Variants in SREBF2 observed in about 807,000 individuals in gnomAD.
SREBF2 encodes the protein sterol regulatory element-binding protein 2.
In SREBF2, 55 loss-of-function variants were observed where a neutral mutation model predicts 113.1. The ratio of observed to expected loss-of-function variants is 0.49; its 90% CI spans 0.39 to 0.61. The LOEUF is 0.61. SREBF2 is among the 20% of genes least tolerant of loss of function. The probability of loss-of-function intolerance (pLI) is 0.00; values close to 1 mark genes in which losing one functional copy is unlikely to be tolerated. For synonymous variants in SREBF2, 593 were observed against 605.7 expected (o/e 0.98, Z 0.31); for missense variants, 1,349 against 1,487.4 (o/e 0.91, Z 1.53).
intron 14 of SREBF2, 102 bp from the exon 15 acceptor site, chr22:41,898,547 A>G: frequency 5.3e-6 from 8 of 1,521,848 alleles, no homozygotes; most frequent in Non-Finnish European, 7.2e-6. Context: ...CCAGCAGGCA[A>G]AGATGTTACC....
rs747641591 is a variant in SREBF2 at position 41,873,847 on chromosome 22, T to C, written c.917T>C (p.Met306Thr). The change falls in exon 5 of 19, where the codon ATG becomes ACG. Residue 306 changes from methionine (M) to threonine (T), a missense_variant. Around this residue, in one of 2 missense-constraint regions of SREBF2, gnomAD observed 699 missense variants for 843.3 expected, o/e 0.83. Transcript: ENST00000361204. ...GTILTTMPVM[M>T]GQEKVPIKQV... is the part of the protein sequence containing the mutation. ...ATTCTGACCACAATGCCTGTAATGA[T>C]GGGGCAAGAGAAAGTGCCCATTAAG... 2.7e-5 allele frequency: 43 copies of C among 1,613,026 alleles called. No individual in the cohort carries two copies. Among genetic ancestry groups the C allele is most frequent in the Admixed American group, 1.5e-4 (9 of 59,806 alleles).
intron 1 of SREBF2, among the ~76,000 whole-genome samples, chr22:41,852,642 T>G (rs2076942059): frequency 1.3e-5 from 2 of 151,688 alleles, no homozygotes; most frequent in African/African-American, 2.4e-5. Context: ...ATTTAACCAG[T>G]TTTCAGAAAA....
At position 41,835,273 on chromosome 22, in the gene SREBF2, C is replaced by T. The variant is rs1239257159; in HGVS notation, c.88+1915C>T. On this transcript the variant is annotated intron_variant, in intron 1 of 18. Transcript: ENST00000361204. ...TCAAATGATCCTCCTGCCTTGGCCT[C>T]CCAAAGTGCTAGGATTACAGGTGTG... Among the ~76,000 whole-genome samples the T allele has an allele frequency of 3.3e-5, 5 of 151,750 alleles. No homozygotes were observed. In the East Asian group the frequency reaches 5.8e-4, roughly 18 times the overall value.
At chr22:41,859,442 T>C (rs949663622) in intron 1 of SREBF2, among the ~76,000 whole-genome samples, 2 of 152,248 alleles carry the variant, frequency 1.3e-5, no homozygotes, top group Non-Finnish European at 2.9e-5. Flanking sequence ...TGTGCATTCC[T>C]GCATGGCTCA....
Position 41,894,811 on chromosome 22 carries a change from C to CT in SREBF2, c.2378-5dup, listed in dbSNP as rs1426541506. Reference sequence around the variant, plus strand: ...TCCATTTAACCCCCCTTGCCTGTCTCTTTTCCAGCTGACCCCATTGCGCAG... The same window carrying CT: ...TCCATTTAACCCCCCTTGCCTGTCTCTTTTTCCAGCTGACCCCATTGCGCAG... On this transcript the variant is annotated splice_polypyrimidine_tract_variant and intron_variant, in intron 12 of 18. Coordinates refer to ENST00000361204, the MANE Select transcript of SREBF2 (RefSeq NM_004599.4). 1.2e-6 allele frequency: 2 copies of CT among 1,613,756 alleles called. No homozygotes were observed. The highest frequency in any genetic ancestry group is 1.3e-5 in the African/African-American group (1 of 75,062).
intron 5 of SREBF2, among the ~76,000 whole-genome samples, chr22:41,874,901 CT>C (rs973758180): frequency 2.6e-5 from 4 of 151,416 alleles, no homozygotes; most frequent in African/African-American, 9.7e-5. Context: ...GAGTGAAACT[CT>C]GTCTTGGAAA....
rs563227134 is a variant in SREBF2 at position 41,893,872 on chromosome 22, G to A, written c.2377+587G>A. Among the ~76,000 whole-genome samples, 3 of 152,312 alleles carry A rather than the reference G, an allele frequency of 2.0e-5. No individual in the cohort carries two copies. The South Asian group carries it at 6.2e-4, about 32-fold the overall frequency. On this transcript the variant is annotated intron_variant, in intron 12 of 18. Transcript: ENST00000361204. ...GCTGGTCAGGATTGACTTAGACCTT[G>A]AGTGCTCAGTGGCTGTCTGCTTTCT...
intron 4 of SREBF2, among the ~76,000 whole-genome samples, chr22:41,872,935 C>A (rs1399637113): frequency 6.6e-6 from 1 of 151,920 alleles, no homozygotes. Context: ...TGGTGGCTCA[C>A]GCCTGTAATC....
chr22:41,839,691 T>A (rs559888839), intron 1 of SREBF2, among the ~76,000 whole-genome samples: 2 of 152,320 alleles, frequency 1.3e-5, no homozygotes, highest in Admixed American at 1.3e-4. Context: ...ACAGGTAGCA[T>A]AATATTGCTT....
Position 41,864,223 on chromosome 22 carries a change from CATATATATATATATATATATAT to C in SREBF2, c.89-2590_89-2569del, listed in dbSNP as rs756489276. On this transcript the variant is annotated intron_variant, in intron 1 of 18. Transcript: ENST00000361204. ...TTTATTTTTCCTATCCTTCTGCAAG[CATATATATATATATATATATAT>C]ATATATATATATATATACACACACA... Among the ~76,000 whole-genome samples, 6 of 46,332 alleles carry C rather than the reference CATATATATATATATATATATAT, an allele frequency of 1.3e-4. 1 individual carries two copies. The highest frequency in any genetic ancestry group is 9.6e-4 in the South Asian group (1 of 1,042). 30.4% of individuals were successfully genotyped at this position (46,332 alleles called of 152,430 possible).
chr22:41,844,537 C>T (rs563346891), intron 1 of SREBF2, among the ~76,000 whole-genome samples: 326 of 152,192 alleles, frequency 2.1e-3, no homozygotes, highest in Middle Eastern at 3.4e-3. Flanking sequence ...GGTAAGGCTC[C>T]CTGGGGAACT....
chr22:41,836,704 G>T (rs1289004780), intron 1 of SREBF2, among the ~76,000 whole-genome samples: 4 of 152,212 alleles, frequency 2.6e-5, no homozygotes, highest in African/African-American at 9.7e-5. Flanking sequence ...GATACTAATT[G>T]TCTTGGACAT....
intron 9 of SREBF2, among the ~76,000 whole-genome samples, chr22:41,880,230 C>T (rs1370556149): frequency 6.6e-6 from 1 of 152,112 alleles, no homozygotes; most frequent in African/African-American, 2.4e-5. Context: ...TGCAGTTCAT[C>T]TAAATCTGTG....
intron 10 of SREBF2, among the ~76,000 whole-genome samples, chr22:41,882,993 G>A (rs948892152): frequency 6.6e-6 from 1 of 152,212 alleles, no homozygotes; most frequent in Non-Finnish European, 1.5e-5. Context: ...TGTGGTTCCA[G>A]CTACTTGAGA....
intron 7 of SREBF2, among the ~76,000 whole-genome samples, chr22:41,876,892 G>A (rs1048403101): frequency 6.6e-6 from 1 of 152,104 alleles, no homozygotes; most frequent in Non-Finnish European, 1.5e-5. Context: ...TTGGTTTCCT[G>A]TTACTTTAGA....
chr22:41,888,902 G>A (rs1171139107), intron 11 of SREBF2, among the ~76,000 whole-genome samples: 1 of 152,220 alleles, frequency 6.6e-6, no homozygotes, highest in Non-Finnish European at 1.5e-5. Flanking sequence ...GACTCAGACA[G>A]TACTTTCTTA....
chr22:41,837,001 T>C (rs1182224638), intron 1 of SREBF2, among the ~76,000 whole-genome samples: 1 of 152,218 alleles, frequency 6.6e-6, no homozygotes, highest in Non-Finnish European at 1.5e-5. Context: ...TAAGTATTCA[T>C]GATGGACAAA....
intron 10 of SREBF2, among the ~76,000 whole-genome samples, chr22:41,882,518 A>T (rs962118275): frequency 6.6e-5 from 10 of 152,084 alleles, no homozygotes; most frequent in African/African-American, 2.4e-4. Flanking sequence ...CATCTAAAGA[A>T]CAGATAGGCC....
rs546034262 is a variant in SREBF2, at chr22:41,878,064, T to A, written c.1702T>A (p.Ser568Thr). The A allele has an allele frequency of 6.8e-6, 11 of 1,614,132 alleles. No homozygotes were observed. The highest frequency in any genetic ancestry group is 5.3e-5 in the African/African-American group (4 of 75,026). ...VHGEPVIRPH[S>T]RSSVTFWRHR... ...TGGGGAGCCAGTGATCCGGCCACAC[T>A]CGCGCTCCTCGGTCACCTTCTGGAG... is the stretch of plus-strand genomic sequence containing the variant. Residue 568 changes from serine to threonine, a missense_variant, in exon 9 of 19, where the codon TCG (serine) becomes ACG (threonine). Physicochemically the swap from Ser to Thr is moderately conservative, Grantham distance 58. This residue lies in a region of SREBF2 where 699 missense variants were observed against 843.3 expected (regional missense o/e 0.83). Coordinates refer to ENST00000361204, the MANE Select transcript of SREBF2 (RefSeq NM_004599.4).
Sources: allele counts gnomAD v4.1 joint callset (sites outside exome capture counted in the v4.1 genomes callset), GRCh38; gene constraint gnomAD v4.1.1; regional missense constraint gnomAD v4.1.1; transcripts MANE v1.5; gene names NCBI Gene and HGNC (gene_info 2026-07-23, HGNC 2026-07-21).